SGCZ: variants seen among roughly 807,000 people sequenced by gnomAD.
SGCZ encodes sarcoglycan zeta.
A neutral mutation model predicts 41.3 loss-of-function variants in SGCZ; 40 were observed. That is an observed-to-expected ratio of 0.97 (90% CI 0.75 to 1.26). The LOEUF is 1.26. Among genes scored for constraint, SGCZ ranks in the 50% most tolerant of loss-of-function variants. SGCZ has a pLI of 0.00. For synonymous variants in SGCZ, 206 were observed against 137.5 expected, an observed-to-expected ratio of 1.50 and a Z score of -3.49; for missense variants, 552 against 369.8, an observed-to-expected ratio of 1.49 and a Z score of -4.04.
intron 2 of SGCZ, among the ~76,000 whole-genome samples, chr8:14,507,296 C>T (rs1802334074): frequency 6.6e-6 from 1 of 152,172 alleles, no homozygotes; most frequent in African/African-American, 2.4e-5. Flanking sequence ...ATAGCATTCT[C>T]CATCCCAAGC....
intron 1 of SGCZ, among the ~76,000 whole-genome samples, chr8:15,103,672 T>A (rs1368486944): frequency 6.6e-6 from 1 of 151,970 alleles, no homozygotes; most frequent in Non-Finnish European, 1.5e-5. Context: ...AGAGTTGAAA[T>A]TAAGGAAGAA....
intron 1 of SGCZ, among the ~76,000 whole-genome samples, chr8:14,613,167 T>C (rs757034514): frequency 2.0e-5 from 3 of 152,136 alleles, no homozygotes; most frequent in Non-Finnish European, 2.9e-5. Flanking sequence ...GGGCCCTCCA[T>C]AGAGCCTTGG....
intron 1 of SGCZ, among the ~76,000 whole-genome samples, chr8:14,688,741 G>A (rs902529788): frequency 2.6e-5 from 4 of 152,150 alleles, no homozygotes; most frequent in African/African-American, 7.2e-5. Flanking sequence ...GAAAGTCATT[G>A]GTAGTTGGAA....
At chr8:14,741,259 C>T (rs995169097) in intron 1 of SGCZ, among the ~76,000 whole-genome samples, 3 of 152,000 alleles carry the variant, frequency 2.0e-5, no homozygotes, top group Admixed American at 6.6e-5. Flanking sequence ...GGAGCAATAA[C>T]CGTATTAACA....
chr8:14,537,878 G>T (rs1046004536), intron 2 of SGCZ, among the ~76,000 whole-genome samples: 7 of 151,866 alleles, frequency 4.6e-5, no homozygotes, highest in African/African-American at 1.7e-4. Flanking sequence ...GGTGCATGGA[G>T]AAATGAATCG....
chr8:14,848,143 TTATGGTAAA>T (rs1434015241), intron 1 of SGCZ, among the ~76,000 whole-genome samples: 2 of 152,132 alleles, frequency 1.3e-5, no homozygotes, highest in East Asian at 1.9e-4. Flanking sequence ...TATAAAATTC[TTATGGTAAA>T]TATGGTAAAT....
intron 2 of SGCZ, chr8:14,332,806 T>C (rs1450789141): frequency 1.3e-5 from 2 of 151,376 alleles, no homozygotes; most frequent in Admixed American, 6.6e-5. Flanking sequence ...ATAGAGTATG[T>C]AGATATATAG....
At position 14,401,819 on chromosome 8, in the gene SGCZ, G is replaced by T. The variant is rs1038091146; in HGVS notation, c.235-77615C>A. 5.3e-5 allele frequency among the ~76,000 whole-genome samples: 8 copies of T among 150,560 alleles called. 1 individual carries two copies. The highest frequency in any genetic ancestry group is 2.0e-4 in the Admixed American group (3 of 15,148). Reference sequence around the variant, plus strand: ...TATATACCCAGTAATGGGATGGCTGGGTCAAATGGTATTTCTAGTTCTAGA... The same window carrying T: ...TATATACCCAGTAATGGGATGGCTGTGTCAAATGGTATTTCTAGTTCTAGA... On this transcript the variant is annotated intron_variant, in intron 2 of 7. Coordinates refer to ENST00000382080, the MANE Select transcript of SGCZ (RefSeq NM_139167.4).
chr8:14,214,228 G>T (rs7812587), intron 4 of SGCZ, among the ~76,000 whole-genome samples: 6,753 of 151,994 alleles, frequency 0.044, 195 homozygotes, highest in Non-Finnish European at 0.069. Context: ...CCAATCGAAG[G>T]GCAGTCTACA....
chr8:14,202,790 T>C (rs980676274), intron 4 of SGCZ, among the ~76,000 whole-genome samples: 3 of 152,176 alleles, frequency 2.0e-5, no homozygotes, highest in Non-Finnish European at 2.9e-5. Context: ...CATTTTAAAA[T>C]AGCAGAAAAG....
chr8:14,856,549 T>G (rs1375344601), intron 1 of SGCZ, among the ~76,000 whole-genome samples: 1 of 152,194 alleles, frequency 6.6e-6, no homozygotes, highest in South Asian at 2.1e-4. Context: ...AGCTCTCTCA[T>G]GTTCCCTAAT....
chr8:14,557,572 T>A (rs990271302), intron 1 of SGCZ, among the ~76,000 whole-genome samples: 17 of 152,122 alleles, frequency 1.1e-4, no homozygotes, highest in Admixed American at 1.0e-3. Context: ...TAGATTTAAG[T>A]CCTTGATCCA....
At position 15,238,097 on chromosome 8, in the gene SGCZ, T is replaced by G. The variant is rs1369820386; in HGVS notation, c.-474A>C. 1.3e-5 allele frequency: 2 copies of G among 153,970 alleles called. No homozygotes were observed. The highest frequency in any genetic ancestry group is 2.4e-5 in the African/African-American group (1 of 41,446). 9.5% of individuals were successfully genotyped at this position (153,970 alleles called of 1,614,324 possible). A position where few individuals can be genotyped will look rare whatever the true frequency, so the allele number is the denominator to read the frequency against. Reference sequence around the variant, plus strand: ...AAAAGGCTTCCTCCGTCAGGCTTACTCTGGTAGGTAATTTAGCTCCAGTCC... The same window carrying G: ...AAAAGGCTTCCTCCGTCAGGCTTACGCTGGTAGGTAATTTAGCTCCAGTCC... On this transcript the variant is annotated 5_prime_UTR_variant, in exon 1 of 8. Coordinates refer to ENST00000382080, the MANE Select transcript of SGCZ (RefSeq NM_139167.4).
Position 15,031,233 on chromosome 8 carries a change from G to C in SGCZ, c.39+206352C>G, listed in dbSNP as rs141933787. On this transcript the variant is annotated intron_variant, in intron 1 of 7. Coordinates refer to ENST00000382080, the MANE Select transcript of SGCZ (RefSeq NM_139167.4). ...ATTTATTTCCCAGGATGGCAGAATAGGTTTATTCCTACAAGCCAAACACAA... is the reference window on the plus strand; with the variant it reads ...ATTTATTTCCCAGGATGGCAGAATACGTTTATTCCTACAAGCCAAACACAA... 9.3e-4 allele frequency among the ~76,000 whole-genome samples: 141 copies of C among 152,156 alleles called. 2 individuals carry two copies. The East Asian group carries it at 0.025, about 27-fold the overall frequency.
Position 14,382,892 on chromosome 8 carries a change from A to C in SGCZ, c.235-58688T>G, listed in dbSNP as rs78030278. 7.4e-3 allele frequency among the ~76,000 whole-genome samples: 1,120 copies of C among 152,302 alleles called. 19 individuals are homozygous for C. Among genetic ancestry groups the C allele is most frequent in the African/African-American group, 0.026 (1,061 of 41,580 alleles). ...AATGGTTACTGACCTCCAGTAACTA[A>C]AGCTTTGGTACTAGGTATAGTTAAT... On this transcript the variant is annotated intron_variant, in intron 2 of 7. Coordinates refer to ENST00000382080, the MANE Select transcript of SGCZ (RefSeq NM_139167.4).
chr8:14,480,107 C>T (rs746176958), intron 2 of SGCZ, among the ~76,000 whole-genome samples: 1 of 152,174 alleles, frequency 6.6e-6, no homozygotes, highest in African/African-American at 2.4e-5. Flanking sequence ...TAATCCCATT[C>T]TCTCTTGAAC....
chr8:14,854,969 G>A (rs1196155411), intron 1 of SGCZ, among the ~76,000 whole-genome samples: 2 of 151,220 alleles, frequency 1.3e-5, no homozygotes, highest in South Asian at 2.1e-4. Flanking sequence ...GGGAAATCCC[G>A]CTCCCGACTT....
intron 1 of SGCZ, among the ~76,000 whole-genome samples, chr8:14,750,653 G>T (rs572336595): frequency 1.5e-4 from 23 of 152,164 alleles, no homozygotes; most frequent in Non-Finnish European, 1.8e-4. Context: ...AGGCAATTCA[G>T]AGACATTATG....
At chr8:14,943,286 A>G (rs1168551005) in intron 1 of SGCZ, among the ~76,000 whole-genome samples, 1 of 152,152 alleles carries the variant, frequency 6.6e-6, no homozygotes, top group Non-Finnish European at 1.5e-5. Context: ...CAACATAATT[A>G]TTTTATCCTT....
Sources: allele counts gnomAD v4.1 joint callset (sites outside exome capture counted in the v4.1 genomes callset), GRCh38; gene constraint gnomAD v4.1.1; transcripts MANE v1.5; gene names NCBI Gene and HGNC (gene_info 2026-07-23, HGNC 2026-07-21).